GABRB3: variants seen among roughly 807,000 people sequenced by gnomAD.
The protein encoded by GABRB3 is gamma-aminobutyric acid type A receptor subunit beta3.
In GABRB3, 14 loss-of-function variants were observed where a neutral mutation model predicts 52.1. The ratio of observed to expected loss-of-function variants is 0.27; its 90% CI spans 0.18 to 0.42. The LOEUF is 0.42. Ranked by LOEUF, GABRB3 falls within the 10% of genes least tolerant of loss-of-function variation. The pLI, the probability that GABRB3 is intolerant of heterozygous loss-of-function variation, is 1.00. For missense variants in GABRB3, 307 were observed against 609.1 expected (o/e 0.50, Z 5.22); for synonymous variants, 260 against 232.3 (o/e 1.12, Z -1.08).
At chr15:26,702,286 A>C (rs1241014155) in intron 3 of GABRB3, among the ~76,000 whole-genome samples, 2 of 152,262 alleles carry the variant, frequency 1.3e-5, no homozygotes, top group Non-Finnish European at 2.9e-5. Context: ...AAAGAGGATG[A>C]AAACACAGAC....
chr15:26,765,901 G>T (rs1008141197), intron 3 of GABRB3, among the ~76,000 whole-genome samples: 1 of 152,184 alleles, frequency 6.6e-6, no homozygotes, highest in African/African-American at 2.4e-5. Context: ...AGCTTGATGA[G>T]GTAGAAAGAT....
At chr15:26,751,220 C>T (rs1890498602) in intron 3 of GABRB3, among the ~76,000 whole-genome samples, 1 of 152,212 alleles carries the variant, frequency 6.6e-6, no homozygotes, top group South Asian at 2.1e-4. Context: ...CTAGAATTCA[C>T]AGGATTCCTT....
At chr15:26,569,402 CAT>C (rs1270061536) in intron 6 of GABRB3, 2 of 152,206 alleles carry the variant, frequency 1.3e-5, no homozygotes, top group Non-Finnish European at 2.9e-5. Flanking sequence ...TGATCAAATG[CAT>C]ATATCACATG....
chr15:26,729,610 G>A (rs1288707932), intron 3 of GABRB3, among the ~76,000 whole-genome samples: 1 of 152,174 alleles, frequency 6.6e-6, no homozygotes, highest in African/African-American at 2.4e-5. Flanking sequence ...TGGATGTGGA[G>A]GGTGGGGAAC....
chr15:26,756,481 G>C (rs1890665123), intron 3 of GABRB3, among the ~76,000 whole-genome samples: 1 of 151,988 alleles, frequency 6.6e-6, no homozygotes, highest in Admixed American at 6.6e-5. Context: ...GGGAGCCTGA[G>C]GTGGGAGGGT....
chr15:26,576,070 A>C (rs963080125), intron 6 of GABRB3, among the ~76,000 whole-genome samples: 1 of 152,374 alleles, frequency 6.6e-6, no homozygotes, highest in East Asian at 1.9e-4. Context: ...TACAAAGCTG[A>C]AGTTTCAATC....
At chr15:26,763,932 G>A (rs1211980040) in intron 3 of GABRB3, among the ~76,000 whole-genome samples, 2 of 151,466 alleles carry the variant, frequency 1.3e-5, no homozygotes, top group African/African-American at 4.9e-5. Flanking sequence ...GATCACCTGA[G>A]GTTAGGAGTT....
At chr15:26,750,800 G>A (rs1890484170) in intron 3 of GABRB3, among the ~76,000 whole-genome samples, 1 of 152,172 alleles carries the variant, frequency 6.6e-6, no homozygotes, top group Non-Finnish European at 1.5e-5. Flanking sequence ...GCTAGAAAGT[G>A]AAGAAGTCAA....
chr15:26,636,491 T>C (rs1355120724), intron 3 of GABRB3, among the ~76,000 whole-genome samples: 1 of 152,114 alleles, frequency 6.6e-6, no homozygotes, highest in Non-Finnish European at 1.5e-5. Flanking sequence ...CCAGGGCTCC[T>C]CTTTTTATGC....
intron 6 of GABRB3, 123 bp from the exon 7 acceptor site, chr15:26,567,856 C>A: frequency 1.1e-6 from 1 of 905,028 alleles, no homozygotes; most frequent in Non-Finnish European, 1.8e-6. Context: ...GGTGACCCAC[C>A]ACCAAGCAGT....
intron 3 of GABRB3, among the ~76,000 whole-genome samples, chr15:26,750,799 TGAA>T (rs1195827351): frequency 6.6e-6 from 1 of 152,208 alleles, no homozygotes; most frequent in East Asian, 1.9e-4. Flanking sequence ...GGCTAGAAAG[TGAA>T]GAAGTCAAGG....
rs745982738 is a variant in GABRB3, at chr15:26,580,443, C to T, written c.558G>A (p.Thr186=). 7.4e-6 allele frequency: 12 copies of T among 1,614,030 alleles called. No individual in the cohort carries two copies. In the East Asian group the frequency reaches 1.8e-4, roughly 24 times the overall value. Residue 186 remains threonine (T), a synonymous_variant, in exon 6 of 9, where the codon ACG becomes ACA. Coordinates refer to ENST00000311550, the MANE Select transcript of GABRB3 (RefSeq NM_000814.6). ...TLEIESYGYT[T]DDIEFYWRGG... ...CTCGCCAGTAAAACTCAATGTCATC[C>T]GTGGTGTAGCCATCTGCCAAGAGAG...
At chr15:26,603,599 A>C (rs2140504271) in intron 4 of GABRB3, among the ~76,000 whole-genome samples, 1 of 152,212 alleles carries the variant, frequency 6.6e-6, no homozygotes, top group African/African-American at 2.4e-5. Flanking sequence ...TTTATTCCAG[A>C]GATGCAAGGA....
At chr15:26,594,339 C>T (rs763010923) in intron 4 of GABRB3, among the ~76,000 whole-genome samples, 1 of 151,968 alleles carries the variant, frequency 6.6e-6, no homozygotes, top group African/African-American at 2.4e-5. Flanking sequence ...AAATCAGATT[C>T]TTTCCTTTGC....
chr15:26,576,367 A>T (rs1890591942), intron 6 of GABRB3, among the ~76,000 whole-genome samples: 1 of 152,224 alleles, frequency 6.6e-6, no homozygotes, highest in African/African-American at 2.4e-5. Flanking sequence ...ATGAAATTTT[A>T]AAAAAGGTTT....
chr15:26,698,417 C>T (rs1282179872), intron 3 of GABRB3, among the ~76,000 whole-genome samples: 5 of 152,144 alleles, frequency 3.3e-5, no homozygotes, highest in Admixed American at 3.3e-4. Context: ...TTCAATGGAT[C>T]ATCTTGTGAC....
At chr15:26,596,600 T>A (rs1215638864) in intron 4 of GABRB3, among the ~76,000 whole-genome samples, 2 of 152,078 alleles carry the variant, frequency 1.3e-5, no homozygotes, top group African/African-American at 4.8e-5. Context: ...TAAAGGAATA[T>A]CAACCCTTTC....
At chr15:26,708,133 C>A (rs535797141) in intron 3 of GABRB3, among the ~76,000 whole-genome samples, 206 of 152,228 alleles carry the variant, frequency 1.4e-3, no homozygotes, top group Non-Finnish European at 2.2e-3. Context: ...CAAGAAAATT[C>A]TGGAAATACT....
At position 26,547,877 on chromosome 15, in the gene GABRB3, A is replaced by G. The variant is rs370026053; in HGVS notation, c.1338T>C (p.Asn446=). The change falls in exon 9 of 9, where the codon AAT becomes AAC. Residue 446 remains asparagine (N), a synonymous_variant. Coordinates refer to ENST00000311550, the MANE Select transcript of GABRB3 (RefSeq NM_000814.6). ...CGATCCTGGACCATCTGTCTATGGCATTCACATCGGTTAGATCAGGTATTT... is the reference window on the plus strand; with the variant it reads ...CGATCCTGGACCATCTGTCTATGGCGTTCACATCGGTTAGATCAGGTATTT... ...KIKIPDLTDV[N]AIDRWSRIVF... 91 of 1,614,182 alleles carry G rather than the reference A, an allele frequency of 5.6e-5. No individual in the cohort carries two copies. Among genetic ancestry groups the G allele is most frequent in the Middle Eastern group, 4.9e-4 (3 of 6,062 alleles).
Sources: gnomAD v4.1 joint callset for allele counts (sites outside exome capture counted in the v4.1 genomes callset) on GRCh38, gnomAD v4.1.1 for gene constraint, MANE v1.5 for transcripts, NCBI Gene and HGNC (gene_info 2026-07-23, HGNC 2026-07-21) for gene names.